Variants in NEDD4 observed in about 807,000 individuals in gnomAD.
NEDD4 encodes E3 ubiquitin-protein ligase NEDD4.
A neutral mutation model predicts 144.9 loss-of-function variants in NEDD4; 99 were observed. That is an observed-to-expected ratio of 0.68 (90% confidence interval 0.58 to 0.81). NEDD4 has a LOEUF of 0.81. Among genes scored for constraint, NEDD4 ranks in the 30% least tolerant of loss-of-function variants. NEDD4 has a pLI of 0.00. For missense variants in NEDD4, 985 were observed against 1,065.9 expected (o/e 0.92, Z 1.06); for synonymous variants, 318 against 350.6 (o/e 0.91, Z 1.04).
chr15:55,948,412 C>G (rs1020750996), intron 4 of NEDD4, among the ~76,000 whole-genome samples: 5 of 152,204 alleles, frequency 3.3e-5, no homozygotes, highest in Non-Finnish European at 7.3e-5. Context: ...CCATCTCCAT[C>G]AAGCTACCAA....
chr15:55,875,617 C>G (rs1449138548), intron 5 of NEDD4, among the ~76,000 whole-genome samples: 1 of 151,680 alleles, frequency 6.6e-6, no homozygotes, highest in Non-Finnish European at 1.5e-5. Context: ...CACGGCCGGC[C>G]AGATGTACAT....
chr15:55,899,486 G>C (rs1301002577), intron 5 of NEDD4, among the ~76,000 whole-genome samples: 1 of 152,104 alleles, frequency 6.6e-6, no homozygotes, highest in Non-Finnish European at 1.5e-5. Context: ...CGGGGATGTG[G>C]GTTACTGTTG....
At chr15:55,914,062 C>T (rs558373280) in intron 5 of NEDD4, among the ~76,000 whole-genome samples, 1 of 151,796 alleles carries the variant, frequency 6.6e-6, no homozygotes, top group African/African-American at 2.4e-5. Context: ...GAAATCTGAT[C>T]TTTTTTTATC....
chr15:55,945,940 C>T (rs954295577), intron 4 of NEDD4, among the ~76,000 whole-genome samples: 1 of 151,932 alleles, frequency 6.6e-6, no homozygotes, highest in African/African-American at 2.4e-5. Flanking sequence ...AAATAAAACC[C>T]TTTATAGACA....
chr15:55,832,435 GA>G (rs2032995920), intron 27 of NEDD4, among the ~76,000 whole-genome samples: 1 of 151,562 alleles, frequency 6.6e-6, no homozygotes, highest in Non-Finnish European at 1.5e-5. Context: ...TTTTTTTTGA[GA>G]CAGGGTCTCA....
intron 5 of NEDD4, among the ~76,000 whole-genome samples, chr15:55,877,429 C>G (rs1166219624): frequency 6.6e-6 from 1 of 152,164 alleles, no homozygotes; most frequent in Non-Finnish European, 1.5e-5. Context: ...CTCAGTGCAT[C>G]ATATCAGGAG....
intron 26 of NEDD4, among the ~76,000 whole-genome samples, chr15:55,833,757 G>A (rs2033068649): frequency 6.6e-6 from 1 of 152,136 alleles, no homozygotes; most frequent in Non-Finnish European, 1.5e-5. Flanking sequence ...ATACCCTGCA[G>A]GTTATTACAA....
At chr15:55,925,841 G>A (rs544246715) in intron 4 of NEDD4, among the ~76,000 whole-genome samples, 101 of 152,038 alleles carry the variant, frequency 6.6e-4, no homozygotes, top group Admixed American at 2.0e-3. Flanking sequence ...GAAAACTGAA[G>A]TACAACACAT....
At chr15:55,858,329 C>T (rs376475028) in intron 11 of NEDD4, among the ~76,000 whole-genome samples, 9 of 151,396 alleles carry the variant, frequency 5.9e-5, no homozygotes, top group East Asian at 1.9e-4. Context: ...TTTCTTGAGA[C>T]GGAGTTTCAC....
At chr15:55,905,442 T>A (rs2036059271) in intron 5 of NEDD4, among the ~76,000 whole-genome samples, 1 of 152,182 alleles carries the variant, frequency 6.6e-6, no homozygotes, top group East Asian at 1.9e-4. Flanking sequence ...CATAGCGACT[T>A]ACTCTCAAAT....
chr15:55,993,252 T>C (rs1422685155), intron 1 of NEDD4, among the ~76,000 whole-genome samples: 1 of 152,124 alleles, frequency 6.6e-6, no homozygotes, highest in Non-Finnish European at 1.5e-5. Flanking sequence ...TGAAGGAAAC[T>C]GACAAGTAAG....
chr15:55,890,629 C>A (rs1162799587), intron 5 of NEDD4, among the ~76,000 whole-genome samples: 1 of 152,104 alleles, frequency 6.6e-6, no homozygotes, highest in African/African-American at 2.4e-5. Context: ...ATAAATAATG[C>A]CACTATGAAC....
intron 17 of NEDD4, 80 bp from the exon 18 acceptor site, chr15:55,847,114 G>C: frequency 1.2e-6 from 1 of 824,200 alleles, no homozygotes; most frequent in Non-Finnish European, 1.9e-6. Context: ...TGTATTTTAT[G>C]AACGTAAGGG....
intron 6 of NEDD4, among the ~76,000 whole-genome samples, chr15:55,872,918 A>T (rs1365481678): frequency 8.7e-5 from 12 of 137,820 alleles, no homozygotes; most frequent in African/African-American, 3.2e-4. Flanking sequence ...CACCCTGTTT[A>T]AAAAAAAAAA....
At chr15:55,839,840 G>A (rs1327422729) in intron 21 of NEDD4, among the ~76,000 whole-genome samples, 1 of 150,806 alleles carries the variant, frequency 6.6e-6, no homozygotes, top group African/African-American at 2.4e-5. Context: ...GCTGAGTGTG[G>A]TGGTGCGCGC....
chr15:55,880,501 T>C (rs1026654162), intron 5 of NEDD4, among the ~76,000 whole-genome samples: 1 of 152,196 alleles, frequency 6.6e-6, no homozygotes, highest in Non-Finnish European at 1.5e-5. Flanking sequence ...ATATTTCTTA[T>C]GTAGAATTCT....
chr15:55,858,598 C>T (rs1401635852), intron 11 of NEDD4, among the ~76,000 whole-genome samples: 2 of 152,170 alleles, frequency 1.3e-5, no homozygotes. Flanking sequence ...TGAGCCACCA[C>T]GCCTGGCCTA....
At chr15:55,981,126 T>C (rs1473474430) in intron 1 of NEDD4, among the ~76,000 whole-genome samples, 1 of 151,422 alleles carries the variant, frequency 6.6e-6, no homozygotes, top group Non-Finnish European at 1.5e-5. Context: ...GCTCGCAATG[T>C]CTACCTCCCA....
intron 1 of NEDD4, among the ~76,000 whole-genome samples, chr15:55,970,943 T>A (rs576868551): frequency 6.6e-6 from 1 of 152,202 alleles, no homozygotes; most frequent in Non-Finnish European, 1.5e-5. Flanking sequence ...ACAAACTAAA[T>A]AGGGCACCAG....
Sources: gnomAD v4.1 joint callset for allele counts (sites outside exome capture counted in the v4.1 genomes callset) on GRCh38, gnomAD v4.1.1 for gene constraint, MANE v1.5 for transcripts, NCBI Gene and HGNC (gene_info 2026-07-23, HGNC 2026-07-21) for gene names.